RIN2: variants seen among roughly 807,000 people sequenced by gnomAD.
RIN2 encodes Ras and Rab interactor 2, also known as RAB5 interacting protein 2.
RIN2 carries 36 observed loss-of-function variants against 78.0 expected under a neutral mutation model. The observed-to-expected ratio is 0.46, with a 90% CI of 0.35 to 0.61. The LOEUF is 0.61. Among genes scored for constraint, RIN2 ranks in the 20% least tolerant of loss-of-function variants. The pLI, the probability that RIN2 is intolerant of heterozygous loss-of-function variation, is 0.00. For synonymous variants in RIN2, 466 were observed against 466.8 expected, an observed-to-expected ratio of 1.00 and a Z score of 0.02; for missense variants, 1,087 against 1,159.7, an observed-to-expected ratio of 0.94 and a Z score of 0.91.
chr20:19,847,308 TA>T (rs2036816930), intron 2 of RIN2, among the ~76,000 whole-genome samples: 1 of 152,230 alleles, frequency 6.6e-6, no homozygotes, highest in Admixed American at 6.5e-5. Context: ...CCCTTGCTCA[TA>T]AAACTGTCAG....
intron 6 of RIN2, among the ~76,000 whole-genome samples, chr20:19,963,855 C>CTTTTTTTT (rs869033357): frequency 1.2e-5 from 1 of 86,622 alleles, no homozygotes; most frequent in Non-Finnish European, 2.1e-5. Context: ...CAGTATGTGT[C>CTTTTTTTT]TTTTTTTTTT....
At chr20:19,983,159 G>C (rs2042513104) in intron 9 of RIN2, among the ~76,000 whole-genome samples, 1 of 152,208 alleles carries the variant, frequency 6.6e-6, no homozygotes, top group Non-Finnish European at 1.5e-5. Flanking sequence ...TAGACATACT[G>C]AGCTTTCACT....
chr20:19,852,941 T>A lies in RIN2; in HGVS notation c.-36-36625T>A, dbSNP rs540836890. Among the ~76,000 whole-genome samples the A allele has an allele frequency of 8.3e-4, 126 of 152,160 alleles. 1 individual carries two copies. The highest frequency in any genetic ancestry group is 7.9e-4 in the Admixed American group (12 of 15,278). On this transcript the variant is annotated intron_variant, in intron 2 of 12. Transcript: ENST00000255006. ...GGTACATGTGCACAACGTGCAGGTT[T>A]GTTACATATGTATACATGTGCCATG...
chr20:19,993,260 A>T (rs1304535507), intron 11 of RIN2, among the ~76,000 whole-genome samples: 1 of 148,936 alleles, frequency 6.7e-6, no homozygotes, highest in Non-Finnish European at 1.5e-5. Flanking sequence ...CCTGGGGGGG[A>T]TTGTCACGGT....
intron 2 of RIN2, among the ~76,000 whole-genome samples, chr20:19,856,629 G>A (rs995123673): frequency 2.7e-5 from 4 of 150,462 alleles, no homozygotes; most frequent in Non-Finnish European, 5.9e-5. Context: ...AGGAAAGAAG[G>A]AAGGAAGGAA....
At chr20:19,970,203 G>A (rs551221021) in intron 7 of RIN2, among the ~76,000 whole-genome samples, 99 of 152,230 alleles carry the variant, frequency 6.5e-4, no homozygotes, top group Non-Finnish European at 1.0e-3. Flanking sequence ...CAGAAATGCC[G>A]AATCTCCAGT....
intron 9 of RIN2, among the ~76,000 whole-genome samples, chr20:19,982,915 C>A (rs1360604054): frequency 6.6e-6 from 1 of 152,182 alleles, no homozygotes; most frequent in African/African-American, 2.4e-5. Flanking sequence ...TCTTGGAGCT[C>A]CCCAGCAGGG....
intron 2 of RIN2, among the ~76,000 whole-genome samples, chr20:19,847,796 A>T (rs773373667): frequency 3.3e-5 from 5 of 152,182 alleles, no homozygotes; most frequent in African/African-American, 7.2e-5. Context: ...TTACTAGAAA[A>T]TTTAACATTA....
chr20:19,773,554 A>G (rs2034209669), intron 1 of RIN2, among the ~76,000 whole-genome samples: 1 of 152,146 alleles, frequency 6.6e-6, no homozygotes. Context: ...GTGAAAGCAG[A>G]GAATGGGAGC....
chr20:19,923,275 G>C (rs1488569310), intron 3 of RIN2, among the ~76,000 whole-genome samples: 1 of 151,766 alleles, frequency 6.6e-6, no homozygotes, highest in Non-Finnish European at 1.5e-5. Context: ...AATTAGCCAG[G>C]TGTGGTGGCG....
intron 2 of RIN2, among the ~76,000 whole-genome samples, chr20:19,830,262 A>ATT (rs11484135): frequency 1.3e-4 from 20 of 151,486 alleles, no homozygotes; most frequent in Non-Finnish European, 2.4e-4. Flanking sequence ...CTAGCTTCAC[A>ATT]TTTTTTTTTA....
chr20:19,921,079 A>C lies in RIN2; in HGVS notation c.58-14020A>C, dbSNP rs183164159. 6.7e-3 allele frequency among the ~76,000 whole-genome samples: 1,019 copies of C among 152,322 alleles called. 3 individuals are homozygous for C. Among genetic ancestry groups the C allele is most frequent in the Non-Finnish European group, 0.01 (702 of 68,030 alleles). The stretch of plus-strand genomic sequence containing the variant: ...CACTGATCAGGGGTGCCGCCTAAAC[A>C]GGGATGTCCTCCCGGCCCTTCACAG... On this transcript the variant is annotated intron_variant, in intron 3 of 12. Coordinates refer to ENST00000255006, the MANE Select transcript of RIN2 (RefSeq NM_018993.4).
chr20:19,935,936 C>T (rs2040621112), intron 4 of RIN2, among the ~76,000 whole-genome samples: 1 of 152,184 alleles, frequency 6.6e-6, no homozygotes, highest in Non-Finnish European at 1.5e-5. Flanking sequence ...AACAGCTTCC[C>T]CTTTCTCCCA....
chr20:19,832,543 G>A (rs773208467), intron 2 of RIN2, among the ~76,000 whole-genome samples: 2 of 151,366 alleles, frequency 1.3e-5, no homozygotes, highest in Non-Finnish European at 2.9e-5. Context: ...CCCACCCTCC[G>A]GGCCATGACC....
intron 3 of RIN2, among the ~76,000 whole-genome samples, chr20:19,911,933 C>T (rs978226316): frequency 1.3e-5 from 2 of 151,704 alleles, no homozygotes; most frequent in Non-Finnish European, 2.9e-5. Context: ...AGATGTGCAG[C>T]CAGCCATGGC....
intron 8 of RIN2, 35 bp downstream of exon 8, chr20:19,970,964 A>G (rs2042085784): frequency 1.3e-6 from 2 of 1,520,294 alleles, no homozygotes; most frequent in Non-Finnish European, 1.8e-6. Context: ...TCTATCTAAA[A>G]ATGAATCCAT....
At chr20:19,986,549 A>T (rs928829741) in intron 9 of RIN2, among the ~76,000 whole-genome samples, 1 of 152,160 alleles carries the variant, frequency 6.6e-6, no homozygotes, top group Non-Finnish European at 1.5e-5. Flanking sequence ...CAAGGGTGGA[A>T]TTCCCCTCGA....
At chr20:19,827,164 T>TG (rs2036118083) in intron 2 of RIN2, among the ~76,000 whole-genome samples, 1 of 152,002 alleles carries the variant, frequency 6.6e-6, no homozygotes, top group Admixed American at 6.6e-5. Flanking sequence ...TTAGTAGAGA[T>TG]GGGGTCTCGC....
At chr20:19,806,950 C>G (rs2035430213) in intron 2 of RIN2, among the ~76,000 whole-genome samples, 1 of 152,206 alleles carries the variant, frequency 6.6e-6, no homozygotes, top group South Asian at 2.1e-4. Flanking sequence ...TGGGATCTGG[C>G]AGATCTAGGT....
Sources: allele counts gnomAD v4.1 joint callset (sites outside exome capture counted in the v4.1 genomes callset), GRCh38; gene constraint gnomAD v4.1.1; transcripts MANE v1.5; gene names NCBI Gene and HGNC (gene_info 2026-07-23, HGNC 2026-07-21).